Variants in CDH18 observed in about 807,000 individuals in gnomAD.
The protein encoded by CDH18 is cadherin-18.
In CDH18, 31 loss-of-function variants were observed where a neutral mutation model predicts 67.9. That is an observed-to-expected ratio of 0.46 (90% CI 0.34 to 0.62). The LOEUF is 0.62. Ranked by LOEUF, CDH18 falls within the 20% of genes least tolerant of loss-of-function variation. The pLI is 0.01. For synonymous variants in CDH18, 362 were observed against 347.2 expected, an observed-to-expected ratio of 1.04 and a Z score of -0.48; for missense variants, 890 against 975.5, an observed-to-expected ratio of 0.91 and a Z score of 1.17.
chr5:19,532,321 G>A (rs143422288), intron 9 of CDH18, among the ~76,000 whole-genome samples: 1 of 152,040 alleles, frequency 6.6e-6, no homozygotes, highest in African/African-American at 2.4e-5. Context: ...CCGCATTTAT[G>A]CTTGTCACTG....
At chr5:20,059,847 C>A (rs900909197) in intron 2 of CDH18, among the ~76,000 whole-genome samples, 9 of 152,026 alleles carry the variant, frequency 5.9e-5, no homozygotes, top group Non-Finnish European at 1.3e-4. Flanking sequence ...TAGCTGGAAA[C>A]CATCATTTTC....
intron 5 of CDH18, among the ~76,000 whole-genome samples, chr5:19,642,501 A>C (rs2150230103): frequency 6.6e-6 from 1 of 152,220 alleles, no homozygotes; most frequent in African/African-American, 2.4e-5. Context: ...GGAACTGAAT[A>C]GAGAGCTAAT....
At chr5:19,840,858 T>TA (rs1379244307) in intron 2 of CDH18, among the ~76,000 whole-genome samples, 1 of 152,212 alleles carries the variant, frequency 6.6e-6, no homozygotes. Context: ...TTTCATTTAA[T>TA]AAAAAGTACT....
intron 7 of CDH18, among the ~76,000 whole-genome samples, chr5:19,578,829 G>A (rs1430350570): frequency 4.6e-5 from 7 of 151,370 alleles, no homozygotes; most frequent in African/African-American, 1.5e-4. Flanking sequence ...GAGAATTCCT[G>A]AAGAAGAAGG....
intron 3 of CDH18, among the ~76,000 whole-genome samples, chr5:19,832,836 G>A (rs555056359): frequency 6.6e-6 from 1 of 152,150 alleles, no homozygotes; most frequent in East Asian, 1.9e-4. Flanking sequence ...TCAGATGGTT[G>A]CAGATGTGTG....
At chr5:20,371,604 A>AG (rs1743005335) in intron 1 of CDH18, among the ~76,000 whole-genome samples, 1 of 152,244 alleles carries the variant, frequency 6.6e-6, no homozygotes, top group Non-Finnish European at 1.5e-5. Flanking sequence ...AAGCAAAGAA[A>AG]GAAAAAAAGT....
chr5:19,845,257 T>C (rs991333284), intron 2 of CDH18, among the ~76,000 whole-genome samples: 1 of 152,168 alleles, frequency 6.6e-6, no homozygotes, highest in African/African-American at 2.4e-5. Flanking sequence ...TTCTCTTGAC[T>C]TTTTTCTTTG....
chr5:20,101,033 G>C (rs775271613), intron 2 of CDH18, among the ~76,000 whole-genome samples: 5 of 152,048 alleles, frequency 3.3e-5, no homozygotes, highest in East Asian at 1.9e-4. Flanking sequence ...GCTCACAGCA[G>C]CCTCAACCTC....
intron 1 of CDH18, among the ~76,000 whole-genome samples, chr5:20,375,915 T>G (rs1201659863): frequency 2.6e-5 from 4 of 151,820 alleles, no homozygotes; most frequent in Non-Finnish European, 5.9e-5. Flanking sequence ...TCTATAACTA[T>G]ATTCACAAAA....
At chr5:20,316,209 C>A (rs1321511577) in intron 1 of CDH18, among the ~76,000 whole-genome samples, 1 of 151,958 alleles carries the variant, frequency 6.6e-6, no homozygotes, top group African/African-American at 2.4e-5. Flanking sequence ...ATTGTTAAAT[C>A]CATGAGTTTA....
rs565794697 is a variant in CDH18 at position 20,487,465 on chromosome 5, T to C, written c.-580+87997A>G. Reference sequence around the variant, plus strand: ...GGGCTACATCAATATATTTACTGTATAGGTGATGAGAAATTTAATTATTTT... The same window carrying C: ...GGGCTACATCAATATATTTACTGTACAGGTGATGAGAAATTTAATTATTTT... On this transcript the variant is annotated intron_variant, in intron 1 of 14. Transcript: ENST00000507958. Among the ~76,000 whole-genome samples the C allele has an allele frequency of 3.3e-5, 5 of 150,562 alleles. No individual in the cohort carries two copies. The South Asian group carries it at 8.3e-4, about 25-fold the overall frequency.
At chr5:19,828,999 T>C (rs1396996466) in intron 3 of CDH18, among the ~76,000 whole-genome samples, 1 of 152,102 alleles carries the variant, frequency 6.6e-6, no homozygotes, top group Non-Finnish European at 1.5e-5. Context: ...GATCATGCCA[T>C]TGCACTCTAG....
In CDH18 at chr5:19,912,583, TGAA is replaced by T. The variant is rs1791274214; in HGVS notation, c.-257+68474_-257+68476del. Among the ~76,000 whole-genome samples, 4 of 152,170 alleles carry T rather than the reference TGAA, an allele frequency of 2.6e-5. No individual in the cohort carries two copies. In the South Asian group the frequency reaches 6.2e-4, roughly 24 times the overall value. Reference sequence around the variant, plus strand: ...CCATGAATGTTATTCCATTTGCAAGTGAAGAAGAAGAGTTTATTTATTTATTTT... The same window carrying T: ...CCATGAATGTTATTCCATTTGCAAGTGAAGAAGAGTTTATTTATTTATTTT... On this transcript the variant is annotated intron_variant, in intron 2 of 12. Coordinates refer to ENST00000382275, the MANE Select transcript of CDH18 (RefSeq NM_004934.5).
At chr5:20,417,612 C>T (rs925687187) in intron 1 of CDH18, among the ~76,000 whole-genome samples, 3 of 152,136 alleles carry the variant, frequency 2.0e-5, no homozygotes, top group Non-Finnish European at 4.4e-5. Flanking sequence ...AACTCTACGA[C>T]ATGTCATTTA....
At chr5:19,763,952 C>G (rs1376288051) in intron 3 of CDH18, among the ~76,000 whole-genome samples, 2 of 139,304 alleles carry the variant, frequency 1.4e-5, no homozygotes, top group Non-Finnish European at 3.0e-5. Flanking sequence ...AATTTGAGAC[C>G]AGCCTGACCA....
At chr5:20,516,099 G>A (rs969140210) in intron 1 of CDH18, among the ~76,000 whole-genome samples, 1 of 151,950 alleles carries the variant, frequency 6.6e-6, no homozygotes, top group Non-Finnish European at 1.5e-5. Context: ...GCACCATAAA[G>A]TTATATATCT....
intron 1 of CDH18, among the ~76,000 whole-genome samples, chr5:20,306,441 T>A (rs1736462610): frequency 6.6e-6 from 1 of 152,208 alleles, no homozygotes; most frequent in Admixed American, 6.5e-5. Flanking sequence ...AGAGTCATTT[T>A]TTTGCTTTTG....
At chr5:20,411,858 A>G (rs1746808286) in intron 1 of CDH18, among the ~76,000 whole-genome samples, 3 of 152,128 alleles carry the variant, frequency 2.0e-5, no homozygotes. Context: ...GGAGAACTAC[A>G]AAACACTGCT....
At chr5:19,529,459 A>G (rs910063629) in intron 9 of CDH18, among the ~76,000 whole-genome samples, 6 of 152,046 alleles carry the variant, frequency 3.9e-5, no homozygotes, top group Non-Finnish European at 8.8e-5. Flanking sequence ...CCTGAACACT[A>G]TCTTTAGGGT....
Sources: allele counts gnomAD v4.1 joint callset (sites outside exome capture counted in the v4.1 genomes callset), GRCh38; gene constraint gnomAD v4.1.1; transcripts MANE v1.5; gene names NCBI Gene and HGNC (gene_info 2026-07-23, HGNC 2026-07-21).